The following PKD1L1 variants were observed in gnomAD, a reference collection of about 807,000 sequenced individuals.
PKD1L1 encodes polycystin-1-like protein 1.
PKD1L1 carries 236 observed loss-of-function variants against 323.4 expected under a neutral mutation model. The observed-to-expected ratio is 0.73, with a 90% CI of 0.66 to 0.81. The LOEUF (loss-of-function observed/expected upper bound fraction) is 0.81. Among genes scored for constraint, PKD1L1 ranks in the 40% least tolerant of loss-of-function variants. The pLI is 0.00. For missense variants in PKD1L1, 3,320 were observed against 3,508.0 expected, an observed-to-expected ratio of 0.95 and a Z score of 1.35; for synonymous variants, 1,344 against 1,335.0, an observed-to-expected ratio of 1.01 and a Z score of -0.15.
At chr7:47,859,627 A>ATT (rs34815905) in intron 26 of PKD1L1, among the ~76,000 whole-genome samples, 23,850 of 123,498 alleles carry the variant, frequency 0.19, 2,904 homozygotes, top group Non-Finnish European at 0.23. Flanking sequence ...AAAGACATAC[A>ATT]TTTTTTTTTT....
intron 24 of PKD1L1, among the ~76,000 whole-genome samples, chr7:47,867,421 C>T (rs1299349012): frequency 1.3e-5 from 2 of 152,058 alleles, no homozygotes; most frequent in Non-Finnish European, 2.9e-5. Context: ...AACTAATAAA[C>T]ATATAAACCA....
chr7:47,897,903 A>C lies in PKD1L1; in HGVS notation c.2271+85T>G. The C allele has an allele frequency of 3.5e-6, 4 of 1,140,840 alleles. No individual in the cohort carries two copies. In the South Asian group the frequency reaches 7.7e-5, roughly 22 times the overall value. 70.7% of individuals were successfully genotyped at this position (1,140,840 alleles called of 1,614,324 possible). On this transcript the variant is annotated intron_variant, in intron 14 of 56. Coordinates refer to ENST00000289672, the MANE Select transcript of PKD1L1 (RefSeq NM_138295.5). ...CTTTTCCTGGATCGAACAGGTGTTG[A>C]ATTCCAAATGCTGAGCTCTTGCTCC...
In PKD1L1 at chr7:47,839,335, T is replaced by C. The variant is rs973374370; in HGVS notation, c.5769+111A>G. The C allele has an allele frequency of 1.0e-5, 8 of 777,524 alleles. No individual in the cohort carries two copies. Among genetic ancestry groups the C allele is most frequent in the African/African-American group, 1.7e-5 (1 of 57,198 alleles). The allele number at this position is 777,524 out of a possible 1,614,324, so 48.2% of individuals were successfully genotyped here. On this transcript the variant is annotated intron_variant, in intron 36 of 56. Transcript: ENST00000289672. This position sits in a 1 kb window ranked among gnomAD's most constrained non-coding sequence, Gnocchi z 4.3. ...TGGTAATTAACTAAGAAAAGAGGAA[T>C]ACACTTTAGAAGAGTTCAAAGACAC...
Position 47,834,497 on chromosome 7 carries a change from T to C in PKD1L1, c.6128-112A>G, listed in dbSNP as rs550095821. The C allele has an allele frequency of 5.1e-5, 44 of 865,354 alleles. 1 individual carries two copies. In the African/African-American group the frequency reaches 7.2e-4, roughly 14 times the overall value. 53.6% of individuals were successfully genotyped at this position (865,354 alleles called of 1,614,324 possible). A position where few individuals can be genotyped will look rare whatever the true frequency, so the allele number is the denominator to read the frequency against. The stretch of plus-strand genomic sequence containing the variant: ...TACTTTCTTCAGCAAATACTCTTCC[T>C]TCCTGACTCAGCCAGAATGAGTATT... On this transcript the variant is annotated intron_variant, in intron 39 of 56. Coordinates refer to ENST00000289672, the MANE Select transcript of PKD1L1 (RefSeq NM_138295.5).
intron 26 of PKD1L1, among the ~76,000 whole-genome samples, chr7:47,860,263 G>A (rs1785996577): frequency 6.6e-6 from 1 of 152,286 alleles, no homozygotes; most frequent in East Asian, 1.9e-4. Flanking sequence ...AAAGTCAGCT[G>A]CATCACTGCT....
chr7:47,892,351 G>A (rs1786838219), intron 15 of PKD1L1, among the ~76,000 whole-genome samples: 1 of 152,176 alleles, frequency 6.6e-6, no homozygotes, highest in Non-Finnish European at 1.5e-5. Context: ...CCAAGGAGGG[G>A]CAGGAAGGCC....
chr7:47,784,608 G>T (rs1280231137), intron 56 of PKD1L1, among the ~76,000 whole-genome samples: 2 of 151,894 alleles, frequency 1.3e-5, no homozygotes, highest in Non-Finnish European at 2.9e-5. Flanking sequence ...AAGTAGCTGG[G>T]ATTACAGGCG....
chr7:47,789,530 A>G (rs960713906), intron 56 of PKD1L1, among the ~76,000 whole-genome samples: 5 of 151,646 alleles, frequency 3.3e-5, no homozygotes, highest in African/African-American at 1.2e-4. Flanking sequence ...CATTCTTTCA[A>G]CTTCTTTCCT....
chr7:47,917,116 T>G (rs1161262626), intron 7 of PKD1L1, among the ~76,000 whole-genome samples: 1 of 151,974 alleles, frequency 6.6e-6, no homozygotes, highest in Non-Finnish European at 1.5e-5. Context: ...AGGAAACAGA[T>G]AGCATAAATA....
intron 8 of PKD1L1, among the ~76,000 whole-genome samples, chr7:47,914,183 C>G (rs1359532359): frequency 6.6e-6 from 1 of 152,062 alleles, no homozygotes; most frequent in Admixed American, 6.5e-5. Flanking sequence ...ACAAACCTTT[C>G]AAGTATCAGA....
chr7:47,845,470 A>G (rs1240504423), intron 32 of PKD1L1, among the ~76,000 whole-genome samples: 2 of 152,258 alleles, frequency 1.3e-5, no homozygotes, highest in Non-Finnish European at 2.9e-5. Context: ...AGTTCCTGGC[A>G]TTACAAATAT....
At chr7:47,805,695 G>T (rs537057059) in intron 52 of PKD1L1, among the ~76,000 whole-genome samples, 2 of 152,198 alleles carry the variant, frequency 1.3e-5, no homozygotes, top group African/African-American at 4.8e-5. Context: ...TTGGAGGGCC[G>T]TTCCATTGCA....
chr7:47,872,445 C>T (rs6949762), intron 24 of PKD1L1, among the ~76,000 whole-genome samples: 67,510 of 151,876 alleles, frequency 0.44, 16,642 homozygotes, highest in African/African-American at 0.66. Context: ...AAGAGACATT[C>T]AGACTAATGG....
At chr7:47,817,341 C>T (rs994062839) in intron 46 of PKD1L1, among the ~76,000 whole-genome samples, 1 of 152,134 alleles carries the variant, frequency 6.6e-6, no homozygotes, top group Non-Finnish European at 1.5e-5. Context: ...TTAACTGTTT[C>T]CAGCACACCA....
chr7:47,931,999 C>T lies in PKD1L1; in HGVS notation c.456G>A (p.Arg152=). ...TAGCACACAGCCGCCTGTGATGGAACCTGGGGCCACCACTGCTCCAGGCCC... is the reference window on the plus strand; with the variant it reads ...TAGCACACAGCCGCCTGTGATGGAATCTGGGGCCACCACTGCTCCAGGCCC... ...IARAWSSGGP[R]FHHRRLCATG... The change falls in exon 5 of 57, where the codon AGG becomes AGA. Residue 152 remains arginine, a synonymous_variant. Coordinates refer to ENST00000289672, the MANE Select transcript of PKD1L1 (RefSeq NM_138295.5). The T allele has an allele frequency of 6.2e-7, 1 of 1,614,098 alleles. No homozygotes were observed. The highest frequency in any genetic ancestry group is 1.3e-5 in the African/African-American group (1 of 75,046).
intron 27 of PKD1L1, among the ~76,000 whole-genome samples, 195 bp from the exon 28 acceptor site, chr7:47,858,027 T>C (rs573069390): frequency 2.6e-5 from 4 of 152,258 alleles, no homozygotes; most frequent in South Asian, 2.1e-4. Flanking sequence ...CACTTGTGAG[T>C]AATGATGATG....
At position 47,864,999 on chromosome 7, in the gene PKD1L1, T is replaced by A. The variant is rs371280295; in HGVS notation, c.4149+217A>T. On this transcript the variant is annotated intron_variant, in intron 26 of 56. Transcript: ENST00000289672. ...CCTCGGCCTCCCAAAGTGCTGAGAT[T>A]ACAGGTGTGAGCCACTGTGCCTGGC... Among the ~76,000 whole-genome samples the A allele has an allele frequency of 5.9e-5, 9 of 152,254 alleles. No individual in the cohort carries two copies. In the East Asian group the frequency reaches 1.5e-3, roughly 26 times the overall value.
rs1774361208 is a variant in PKD1L1 at position 47,836,924 on chromosome 7, C to G, written c.5940G>C (p.Glu1980Asp). The G allele has an allele frequency of 6.2e-7, 1 of 1,613,444 alleles. No homozygotes were observed. The highest frequency in any genetic ancestry group is 1.3e-5 in the African/African-American group (1 of 74,936). The change falls in exon 37 of 57, where the codon GAG (glutamate) becomes GAC (aspartate). Residue 1980 changes from glutamate (E) to aspartate (D), a missense_variant. Transcript: ENST00000289672. ...LTALVAAGGQ[E>D]QPHLDVSPTL... ...AAGGAAAAGCGATGGCTCTCACCTG[C>G]TCTTGCCCTCCAGCAGCAACCAGGG...
At chr7:47,959,345 C>T in the PKD1L1 span, among the ~76,000 whole-genome samples, 5 of 150,598 alleles carry the variant, frequency 3.3e-5, no homozygotes, top group African/African-American at 1.2e-4. Context: ...AGGAGCGTCT[C>T]TGCCCGGCCG....
Sources: gnomAD v4.1 joint callset for allele counts (sites outside exome capture counted in the v4.1 genomes callset) on GRCh38, gnomAD v4.1.1 for gene constraint, Gnocchi (gnomAD v3.1) non-coding constraint, MANE v1.5 for transcripts, NCBI Gene and HGNC (gene_info 2026-07-23, HGNC 2026-07-21) for gene names.